The following KMT2C variants were observed in gnomAD, a reference collection of about 807,000 sequenced individuals.
KMT2C encodes the protein lysine methyltransferase 2C.
A neutral mutation model predicts 507.9 loss-of-function variants in KMT2C; 88 were observed. That is an observed-to-expected ratio of 0.17 (90% CI 0.15 to 0.21). The LOEUF (loss-of-function observed/expected upper bound fraction) is 0.21, where lower values mean the gene tolerates loss of function less well. Among genes scored for constraint, KMT2C ranks in the 10% least tolerant of loss-of-function variants. KMT2C has a pLI of 1.00. For missense variants in KMT2C, 4,954 were observed against 5,957.8 expected (o/e 0.83, Z 5.55); for synonymous variants, 2,049 against 2,080.8 (o/e 0.98, Z 0.42).
At position 152,144,055 on chromosome 7, in the gene KMT2C, C is replaced by T. The variant is rs1033498053; in HGVS notation, c.14343+658G>A. 6.6e-6 allele frequency among the ~76,000 whole-genome samples: 1 copy of T among 152,198 alleles called. No homozygotes were observed. Among genetic ancestry groups the T allele is most frequent in the African/African-American group, 2.4e-5 (1 of 41,440 alleles). The stretch of plus-strand genomic sequence containing the variant: ...ATCTGGCAGTACTGAGGCCAATGTA[C>T]ACAAACGGTAACATCACTCAGCAAG... On this transcript the variant is annotated intron_variant, in intron 55 of 58. Transcript: ENST00000262189. The surrounding 1 kb of genome is among the most constrained non-coding windows in gnomAD (Gnocchi z 4.4).
chr7:152,286,221 GGAGA>G (rs907821571), intron 6 of KMT2C, among the ~76,000 whole-genome samples: 4 of 152,306 alleles, frequency 2.6e-5, no homozygotes, highest in Non-Finnish European at 5.9e-5. Flanking sequence ...CAGAGGAAGA[GGAGA>G]GAGAAATGAG....
chr7:152,262,644 T>C (rs77366499), intron 9 of KMT2C, among the ~76,000 whole-genome samples: 3 of 147,194 alleles, frequency 2.0e-5, no homozygotes, highest in Admixed American at 1.4e-4. Context: ...TGCAGCAATA[T>C]GGATGAATTT....
At chr7:152,228,764 C>G (rs564457220) in intron 18 of KMT2C, among the ~76,000 whole-genome samples, 2 of 152,090 alleles carry the variant, frequency 1.3e-5, no homozygotes, top group African/African-American at 2.4e-5. Flanking sequence ...AACTTTTATA[C>G]AGAATATAAA....
chr7:152,224,566 C>G lies in KMT2C; in HGVS notation c.3027G>C (p.Val1009=), dbSNP rs1363201201. Residue 1009 remains valine (V), a synonymous_variant, in exon 19 of 59, where the codon GTG becomes GTC. Transcript: ENST00000262189. ...CAGTTGCCTTCCCACAGGCCTCACA[C>G]ACAGTGCACTCAAGACACCTCCAAC... ...SKGWRCLECT[V]CEACGKATDP... 6.2e-7 allele frequency: 1 copy of G among 1,606,392 alleles called. No homozygotes were observed. The highest frequency in any genetic ancestry group is 2.2e-5 in the East Asian group (1 of 44,838).
chr7:152,259,804 A>G (rs1356910300), intron 9 of KMT2C, among the ~76,000 whole-genome samples: 1 of 152,204 alleles, frequency 6.6e-6, no homozygotes, highest in Admixed American at 6.5e-5. Context: ...ATTTGTCCCA[A>G]CATCTCCAGC....
chr7:152,279,069 T>C (rs1233380293), intron 6 of KMT2C, among the ~76,000 whole-genome samples: 1 of 152,104 alleles, frequency 6.6e-6, no homozygotes, highest in East Asian at 1.9e-4. Context: ...TAAAGAAATG[T>C]CCACATATTT....
rs750387168 is a variant in KMT2C, at chr7:152,158,873, T to C, written c.11660A>G (p.His3887Arg). 4.3e-6 allele frequency: 7 copies of C among 1,613,916 alleles called. No individual in the cohort carries two copies. The highest frequency in any genetic ancestry group is 2.7e-5 in the African/African-American group (2 of 74,948). Reference protein sequence around the residue: ...AMYSSTDTFTHLKQQNNLSNP... With the variant: ...AMYSSTDTFTRLKQQNNLSNP... ...ATGACTCACCCTCACCTGTTTCAAG[T>C]GGGTAAACGTGTCAGTGCTAGAGTA... The change falls in exon 44 of 59, where the codon CAC becomes CGC. Residue 3887 changes from histidine to arginine, a missense_variant. His to Arg is a conservative substitution (Grantham distance 29). Transcript: ENST00000262189.
intron 3 of KMT2C, among the ~76,000 whole-genome samples, chr7:152,328,301 G>C (rs539746836): frequency 3.7e-4 from 56 of 152,282 alleles, no homozygotes; most frequent in African/African-American, 1.3e-3. Flanking sequence ...CACATTGTAT[G>C]TTCTTTTTCC....
intron 14 of KMT2C, among the ~76,000 whole-genome samples, chr7:152,243,630 A>T (rs775768652): frequency 4.0e-4 from 61 of 152,026 alleles, no homozygotes; most frequent in Admixed American, 6.6e-4. Flanking sequence ...AAAAATATTT[A>T]AAAAATTAGC....
At chr7:152,168,489 A>G (rs1054903498) in intron 41 of KMT2C, among the ~76,000 whole-genome samples, 1 of 152,234 alleles carries the variant, frequency 6.6e-6, no homozygotes, top group Non-Finnish European at 1.5e-5. Context: ...CTAGTCTACT[A>G]AATTTGAAGG....
At chr7:152,183,481 G>A (rs1588017292) in intron 34 of KMT2C, among the ~76,000 whole-genome samples, 1 of 152,178 alleles carries the variant, frequency 6.6e-6, no homozygotes, top group African/African-American at 2.4e-5. Flanking sequence ...AGGGGCTGGG[G>A]CCAGGCATGG....
intron 27 of KMT2C, among the ~76,000 whole-genome samples, chr7:152,198,084 T>C (rs537864168): frequency 3.9e-5 from 6 of 152,300 alleles, no homozygotes; most frequent in African/African-American, 1.4e-4. Context: ...TCGTAAAATA[T>C]CCTTTGAAGG....
chr7:152,364,404 G>A (rs1305315863), intron 1 of KMT2C, among the ~76,000 whole-genome samples: 4 of 151,892 alleles, frequency 2.6e-5, no homozygotes, highest in African/African-American at 4.8e-5. Context: ...TCAGGAGATC[G>A]AGACCATCCT....
At position 152,187,417 on chromosome 7, in the gene KMT2C, G is replaced by A. The variant is rs2129124725; in HGVS notation, c.4853C>T (p.Ser1618Leu). ...ATTTTCTCCTTCCACAGTGGGAGCT[G>A]ATGATGTCCAAGAGTTGTTAGGATC... ...ASDPNNSWTSSAPTVEGENDT... is the reference protein window; with the variant it reads ...ASDPNNSWTSLAPTVEGENDT... Residue 1618 changes from serine (S) to leucine (L), a missense_variant, in exon 33 of 59, where the codon TCA becomes TTA. Around this residue, in one of 29 missense-constraint regions of KMT2C, gnomAD observed 195 missense variants for 183.7 expected, o/e 1.06. Coordinates refer to ENST00000262189, the MANE Select transcript of KMT2C (RefSeq NM_170606.3). The A allele has an allele frequency of 6.2e-7, 1 of 1,614,078 alleles. No individual in the cohort carries two copies. The highest frequency in any genetic ancestry group is 1.3e-5 in the African/African-American group (1 of 75,034).
chr7:152,176,582 G>A lies in KMT2C; in HGVS notation c.8871C>T (p.Phe2957=), dbSNP rs752833769. The A allele has an allele frequency of 3.7e-6, 6 of 1,614,018 alleles. No homozygotes were observed. Among genetic ancestry groups the A allele is most frequent in the Admixed American group, 1.7e-5 (1 of 60,008 alleles). ...CCAAAACACGGCCAGGCGGTGCTAT[G>A]AAAGGAGGCAAACTTGACACATGAT... ...PSNHVSSLPP[F]IAPPGRVLDN... The change falls in exon 38 of 59, where the codon TTC becomes TTT. Residue 2957 remains phenylalanine (F), a synonymous_variant. Coordinates refer to ENST00000262189, the MANE Select transcript of KMT2C (RefSeq NM_170606.3).
chr7:152,265,448 A>G (rs1441112559), intron 7 of KMT2C, among the ~76,000 whole-genome samples: 2 of 152,304 alleles, frequency 1.3e-5, no homozygotes, highest in Non-Finnish European at 1.5e-5. Context: ...GGCTATATCT[A>G]CTTGAGACCA....
chr7:152,285,278 G>T (rs1369886440), intron 6 of KMT2C, among the ~76,000 whole-genome samples: 21 of 151,530 alleles, frequency 1.4e-4, no homozygotes, highest in Non-Finnish European at 2.9e-5. Context: ...CTATAGGAAA[G>T]CAACAGATCG....
In KMT2C at chr7:152,181,316, T is replaced by G; in HGVS notation, c.6544A>C (p.Arg2182=). The G allele has an allele frequency of 6.2e-7, 1 of 1,612,058 alleles. No homozygotes were observed. The highest frequency in any genetic ancestry group is 8.5e-7 in the Non-Finnish European group (1 of 1,179,304). The part of the protein sequence containing the change: ...DPYSQQPQTP[R]PSTQTDLFVT... ...AACAAGTCAGTTTGTGTAGATGGTC[T>G]TGGGGTTTGGGGCTGCTGACTATAT... Residue 2182 remains arginine, a synonymous_variant, in exon 36 of 59, where the codon AGA becomes CGA. Transcript: ENST00000262189.
At chr7:152,242,669 C>T (rs1388353572) in intron 14 of KMT2C, among the ~76,000 whole-genome samples, 1 of 152,146 alleles carries the variant, frequency 6.6e-6, no homozygotes, top group Non-Finnish European at 1.5e-5. Context: ...TATACAAGGA[C>T]TGTGGGATGG....
Sources: gnomAD v4.1 joint callset for allele counts (sites outside exome capture counted in the v4.1 genomes callset) on GRCh38, gnomAD v4.1.1 for gene constraint, gnomAD v4.1.1 regional missense constraint, Gnocchi (gnomAD v3.1) non-coding constraint, MANE v1.5 for transcripts, NCBI Gene and HGNC (gene_info 2026-07-23, HGNC 2026-07-21) for gene names.